Variants in MYO9A observed in about 807,000 individuals in gnomAD.
MYO9A encodes unconventional myosin-IXa.
Under a neutral mutation model 293.3 loss-of-function variants are expected in MYO9A, and 103 were observed. The ratio of observed to expected loss-of-function variants is 0.35; its 90% CI spans 0.30 to 0.41. The LOEUF is 0.41. Among genes scored for constraint, MYO9A ranks in the 10% least tolerant of loss-of-function variants. The pLI is 1.00. For synonymous variants in MYO9A, 1,001 were observed against 1,035.7 expected, an observed-to-expected ratio of 0.97 and a Z score of 0.64; for missense variants, 2,685 against 3,033.0, an observed-to-expected ratio of 0.89 and a Z score of 2.69.
chr15:71,937,379 A>G (rs2058669382), intron 16 of MYO9A, among the ~76,000 whole-genome samples: 2 of 152,120 alleles, frequency 1.3e-5, no homozygotes, highest in African/African-American at 4.8e-5. Flanking sequence ...AGCCACTCCA[A>G]TTTTCAGCAT....
chr15:71,864,297 C>A (rs2141860392), intron 32 of MYO9A, among the ~76,000 whole-genome samples: 1 of 152,210 alleles, frequency 6.6e-6, no homozygotes, highest in Non-Finnish European at 1.5e-5. Flanking sequence ...TTCATACCTA[C>A]CAGAATGGCT....
intron 2 of MYO9A, among the ~76,000 whole-genome samples, chr15:72,040,648 T>C (rs533275432): frequency 1.3e-5 from 2 of 152,262 alleles, no homozygotes; most frequent in African/African-American, 4.8e-5. Context: ...CAGACTGGAG[T>C]GCAATGGCAT....
chr15:72,103,327 C>CAGCAGA (rs1339072364), intron 1 of MYO9A, among the ~76,000 whole-genome samples: 2 of 140,480 alleles, frequency 1.4e-5, no homozygotes, highest in African/African-American at 2.7e-5. Context: ...CAAGCAGCAG[C>CAGCAGA]AGCAGAAGCA....
At chr15:71,890,005 C>T (rs975186005) in intron 26 of MYO9A, 4 of 152,210 alleles carry the variant, frequency 2.6e-5, no homozygotes, top group Admixed American at 6.5e-5. Flanking sequence ...TTTTCTACCA[C>T]GCAAGACCAA....
At chr15:72,062,101 C>T (rs143426542) in intron 1 of MYO9A, among the ~76,000 whole-genome samples, 1 of 152,206 alleles carries the variant, frequency 6.6e-6, no homozygotes, top group African/African-American at 2.4e-5. Context: ...AAGGCAGTAC[C>T]TCTACGAGTC....
intron 15 of MYO9A, 149 bp from the exon 16 acceptor site, chr15:71,939,076 A>T: frequency 1.8e-6 from 1 of 567,616 alleles, no homozygotes; most frequent in Admixed American, 3.4e-5. Flanking sequence ...CCCAAGTCTC[A>T]TAACTGTCAT....
chr15:72,028,408 G>C (rs904891284), intron 3 of MYO9A, among the ~76,000 whole-genome samples: 6 of 151,310 alleles, frequency 4.0e-5, no homozygotes, highest in African/African-American at 1.2e-4. Flanking sequence ...AGCACTTTGG[G>C]AGGCCGAGGA....
chr15:72,049,071 T>G (rs1465309798), intron 1 of MYO9A, among the ~76,000 whole-genome samples: 1 of 152,238 alleles, frequency 6.6e-6, no homozygotes, highest in South Asian at 2.1e-4. Flanking sequence ...TTATTTCATA[T>G]CTTCCTTAGC....
chr15:71,968,269 C>G (rs2075927250), intron 12 of MYO9A, 144 bp from the exon 13 acceptor site: 1 of 568,754 alleles, frequency 1.8e-6, no homozygotes, highest in Non-Finnish European at 2.9e-6. Context: ...ATTATCTAAC[C>G]TGATTCTCAT....
Position 71,897,728 on chromosome 15 carries a change from G to A in MYO9A, c.4775C>T (p.Ala1592Val). 6.2e-7 allele frequency: 1 copy of A among 1,614,108 alleles called. No individual in the cohort carries two copies. The stretch of plus-strand genomic sequence containing the variant: ...AGGTCGGTCCTTTGGGGGTAAGTGA[G>A]CAGAGGAACTGTCTTTTTGGGCAAG... ...AALAQKDSSS[A>V]HLPPKDRPVT... is the part of the protein sequence containing the mutation. Residue 1592 changes from alanine (A) to valine (V), a missense_variant, in exon 25 of 42, where the codon GCT (alanine) becomes GTT (valine). Physicochemically the swap from Ala to Val is moderately conservative, Grantham distance 64. This residue lies in a region of MYO9A where 1,434 missense variants were observed against 1,497.7 expected (regional missense o/e 0.96). Coordinates refer to ENST00000356056, the MANE Select transcript of MYO9A (RefSeq NM_006901.4).
intron 19 of MYO9A, among the ~76,000 whole-genome samples, chr15:71,914,835 T>C (rs1348139072): frequency 2.6e-5 from 4 of 152,180 alleles, no homozygotes; most frequent in African/African-American, 4.8e-5. Context: ...CACAATAGGA[T>C]TGTGATTATA....
chr15:71,872,603 C>G (rs1257725050), intron 32 of MYO9A, among the ~76,000 whole-genome samples: 2 of 152,026 alleles, frequency 1.3e-5, no homozygotes, highest in Non-Finnish European at 2.9e-5. Context: ...AAATATATAT[C>G]AATTTAAAAA....
At chr15:71,857,761 CTAAT>C (rs1220971198) in intron 34 of MYO9A, among the ~76,000 whole-genome samples, 1 of 151,602 alleles carries the variant, frequency 6.6e-6, no homozygotes, top group Non-Finnish European at 1.5e-5. Flanking sequence ...GAAAAATAAT[CTAAT>C]TAAACTAAAG....
intron 15 of MYO9A, among the ~76,000 whole-genome samples, chr15:71,945,889 TA>T (rs1327060907): frequency 3.1e-4 from 47 of 152,208 alleles, no homozygotes; most frequent in Non-Finnish European, 1.5e-5. Context: ...CTTCATAAAG[TA>T]GAGGAAGTTG....
chr15:71,939,600 T>C (rs780406809), intron 15 of MYO9A, among the ~76,000 whole-genome samples: 84 of 152,332 alleles, frequency 5.5e-4, no homozygotes, highest in Non-Finnish European at 1.0e-3. Flanking sequence ...GCCATACATT[T>C]CTGACATGTT....
rs57800508 is a variant in MYO9A at position 71,975,390 on chromosome 15, CGT to C, written c.1844+2779_1844+2780del. Among the ~76,000 whole-genome samples the C allele has an allele frequency of 6.5e-3, 567 of 86,672 alleles. 20 individuals are homozygous for C. The highest frequency in any genetic ancestry group is 0.026 in the African/African-American group (503 of 19,058). The allele number at this position is 86,672 out of a possible 152,430, so 56.9% of individuals were successfully genotyped here. On this transcript the variant is annotated intron_variant, in intron 12 of 41. Transcript: ENST00000356056. Reference sequence around the variant, plus strand: ...CCTTTGGCCTATGACGTGATTTTATCGTGTGTGTGTGTGTGTGTGTGTGTGTG... The same window carrying C: ...CCTTTGGCCTATGACGTGATTTTATCGTGTGTGTGTGTGTGTGTGTGTGTG...
At chr15:72,084,285 G>T (rs2079643964) in intron 1 of MYO9A, among the ~76,000 whole-genome samples, 1 of 151,926 alleles carries the variant, frequency 6.6e-6, no homozygotes, top group Non-Finnish European at 1.5e-5. Context: ...GGTTTAAATT[G>T]TTTTGTTTGA....
Position 71,851,254 on chromosome 15 carries a change from T to C in MYO9A, c.6580A>G (p.Arg2194Gly), listed in dbSNP as rs2055634506. The change falls in exon 37 of 42, where the codon AGG becomes GGG. Residue 2194 changes from arginine to glycine, a missense_variant and splice_region_variant. Coordinates refer to ENST00000356056, the MANE Select transcript of MYO9A (RefSeq NM_006901.4). ...CGTTCCCTTGCTTCTTAAAGTTACC[T>C]GACTAGATGAAAGATGAGGCGTTCC... is the stretch of plus-strand genomic sequence containing the variant. The part of the protein sequence containing the change: ...TLERLIFHLV[R>G]IALQEDTNRM... 6.2e-7 allele frequency: 1 copy of C among 1,610,468 alleles called. No homozygotes were observed.
Position 71,875,721 on chromosome 15 carries a change from T to C in MYO9A, c.5979+70A>G, listed in dbSNP as rs908140419. The C allele has an allele frequency of 1.6e-4, 120 of 733,994 alleles. 1 individual carries two copies. In the Middle Eastern group the frequency reaches 1.6e-3, roughly 10 times the overall value. The allele number at this position is 733,994 out of a possible 1,614,324, so 45.5% of individuals were successfully genotyped here. On this transcript the variant is annotated intron_variant, in intron 32 of 41. Transcript: ENST00000356056. ...TTTCATAAATATATCCACATATATA[T>C]TGTATGATATACCTCAGACAACTGA...
Sources: gnomAD v4.1 joint callset for allele counts (sites outside exome capture counted in the v4.1 genomes callset) on GRCh38, gnomAD v4.1.1 for gene constraint, gnomAD v4.1.1 regional missense constraint, MANE v1.5 for transcripts, NCBI Gene and HGNC (gene_info 2026-07-23, HGNC 2026-07-21) for gene names.